CELF1: variants seen among roughly 807,000 people sequenced by gnomAD.
CELF1 encodes the protein CUGBP Elav-like family member 1.
A neutral mutation model predicts 61.8 loss-of-function variants in CELF1; 10 were observed. That is an observed-to-expected ratio of 0.16 (90% CI 0.10 to 0.27). CELF1 has a LOEUF of 0.27. CELF1 is among the 10% of genes least tolerant of loss of function. The pLI is 1.00. For synonymous variants in CELF1, 236 were observed against 225.1 expected (o/e 1.05, Z -0.43); for missense variants, 380 against 639.1 (o/e 0.59, Z 4.37).
intron 2 of CELF1, among the ~76,000 whole-genome samples, chr11:47,563,701 TA>T (rs142223495): frequency 0.04 from 6,038 of 151,358 alleles, 393 homozygotes; most frequent in African/African-American, 0.14. Flanking sequence ...AAACAAAATA[TA>T]AAAAAAAGAA....
chr11:47,531,489 A>G (rs929687016), intron 1 of CELF1, among the ~76,000 whole-genome samples: 1 of 152,094 alleles, frequency 6.6e-6, no homozygotes, highest in Non-Finnish European at 1.5e-5. Context: ...GAATTGCTTG[A>G]ATCTGGGAGG....
At chr11:47,499,231 T>C (rs2093595243) in intron 3 of CELF1, among the ~76,000 whole-genome samples, 1 of 152,206 alleles carries the variant, frequency 6.6e-6, no homozygotes, top group African/African-American at 2.4e-5. Flanking sequence ...GCTGGTCATA[T>C]ATCAAGTGCA....
In CELF1 at chr11:47,473,212, C is replaced by G. The variant is rs746323890; in HGVS notation, c.1293G>C (p.Leu431=). 1 of 1,614,078 alleles carries G rather than the reference C, an allele frequency of 6.2e-7. No individual in the cohort carries two copies. The highest frequency in any genetic ancestry group is 1.1e-5 in the South Asian group (1 of 91,068). The change falls in exon 14 of 15, where the codon CTG becomes CTC. Residue 431 remains leucine (L), a synonymous_variant. Coordinates refer to ENST00000687097, the MANE Select transcript of CELF1 (RefSeq NM_001376376.1). Reference sequence around the variant, plus strand: ...ACTCCTGGGGCAGGTGGTAGATGAACAGGTTGGCTCCCTCTGGACCTTCAA... The same window carrying G: ...ACTCCTGGGGCAGGTGGTAGATGAAGAGGTTGGCTCCCTCTGGACCTTCAA... ...SQKEGPEGAN[L]FIYHLPQEFG...
chr11:47,471,339 A>C lies in CELF1; in HGVS notation c.*891T>G, dbSNP rs963625184. On this transcript the variant is annotated 3_prime_UTR_variant, in exon 15 of 15. Transcript: ENST00000687097. ...GCTGTGGTGAACTGCAAAGAAGGAAACCAGGCAATGTATTCCATAGAGGCC... is the reference window on the plus strand; with the variant it reads ...GCTGTGGTGAACTGCAAAGAAGGAACCCAGGCAATGTATTCCATAGAGGCC... The C allele has an allele frequency of 6.6e-6, 1 of 152,184 alleles. No homozygotes were observed. The highest frequency in any genetic ancestry group is 1.5e-5 in the Non-Finnish European group (1 of 68,042). The allele number at this position is 152,184 out of a possible 1,614,324, so 9.4% of individuals were successfully genotyped here.
intron 1 of CELF1, among the ~76,000 whole-genome samples, chr11:47,542,990 T>G (rs2096847931): frequency 6.6e-6 from 1 of 151,960 alleles, no homozygotes; most frequent in African/African-American, 2.4e-5. Flanking sequence ...TGTAGCAGTG[T>G]GCACCTGTAG....
chr11:47,545,867 CTGCGTGTGTGTGTG>C (rs1295140551), intron 1 of CELF1, among the ~76,000 whole-genome samples: 97 of 121,652 alleles, frequency 8.0e-4, no homozygotes, highest in Admixed American at 1.4e-3. Context: ...GTGTGTGTGT[CTGCGTGTGTGTGTG>C]TGTGTGTGTG....
At chr11:47,495,366 TTGCTTAGGAA>T (rs1565818137) in intron 3 of CELF1, among the ~76,000 whole-genome samples, 3 of 152,152 alleles carry the variant, frequency 2.0e-5, no homozygotes, top group South Asian at 2.1e-4. Flanking sequence ...AGGTTGGTGG[TTGCTTAGGAA>T]TGGGGATGGG....
intron 1 of CELF1, among the ~76,000 whole-genome samples, chr11:47,547,218 T>C (rs182498337): frequency 3.3e-5 from 5 of 152,284 alleles, no homozygotes; most frequent in African/African-American, 1.2e-4. Context: ...CATATTTGTA[T>C]TTTCAAGAAG....
At chr11:47,541,391 T>C (rs557535648) in intron 1 of CELF1, among the ~76,000 whole-genome samples, 2 of 152,170 alleles carry the variant, frequency 1.3e-5, no homozygotes, top group South Asian at 2.1e-4. Flanking sequence ...AATGTTACTA[T>C]GAAAATGGAA....
intron 2 of CELF1, among the ~76,000 whole-genome samples, chr11:47,564,190 A>AAAAAAAAAAAAAAAAAAAC (rs2097236595): frequency 6.7e-6 from 1 of 149,934 alleles, no homozygotes. Flanking sequence ...AAAAAAAAAA[A>AAAAAAAAAAAAAAAAAAAC]AAAAGAAAGC....
chr11:47,473,982 C>G (rs1428232556), intron 13 of CELF1, among the ~76,000 whole-genome samples: 1 of 152,056 alleles, frequency 6.6e-6, no homozygotes, highest in East Asian at 1.9e-4. Flanking sequence ...ACTCAGGTCA[C>G]TGCAACCTCC....
intron 13 of CELF1, among the ~76,000 whole-genome samples, chr11:47,473,742 G>C (rs927950053): frequency 6.6e-6 from 1 of 152,098 alleles, no homozygotes; most frequent in Admixed American, 6.5e-5. Flanking sequence ...GACTAGGACT[G>C]TTTGTCAATA....
intron 3 of CELF1, among the ~76,000 whole-genome samples, chr11:47,494,980 G>T (rs917090727): frequency 6.6e-6 from 1 of 152,196 alleles, no homozygotes; most frequent in Non-Finnish European, 1.5e-5. Flanking sequence ...TCGAACTCCT[G>T]GCCTCAAGGG....
intron 1 of CELF1, among the ~76,000 whole-genome samples, chr11:47,541,491 G>T (rs1369004024): frequency 6.6e-6 from 1 of 151,882 alleles, no homozygotes; most frequent in Non-Finnish European, 1.5e-5. Context: ...AGGAGTTTGA[G>T]ACCAGCCTGG....
At chr11:47,561,442 CAAAAAA>C (rs35506289) in intron 2 of CELF1, among the ~76,000 whole-genome samples, 3 of 72,866 alleles carry the variant, frequency 4.1e-5, no homozygotes, top group Non-Finnish European at 7.0e-5. Flanking sequence ...GACTCCGTCT[CAAAAAA>C]AAAAAAAAAA....
rs917357680 is a variant in CELF1, at chr11:47,470,740, G to C, written c.*1490C>G. The C allele has an allele frequency of 6.6e-6, 1 of 152,156 alleles. No individual in the cohort carries two copies. The highest frequency in any genetic ancestry group is 1.5e-5 in the Non-Finnish European group (1 of 68,060). 9.4% of individuals were successfully genotyped at this position (152,156 alleles called of 1,614,324 possible). ...ACCCAGGGATCCCATCCCTGGCTGTGGCTACAGTCACATCTTAACAGGGCC... is the reference window on the plus strand; with the variant it reads ...ACCCAGGGATCCCATCCCTGGCTGTCGCTACAGTCACATCTTAACAGGGCC... On this transcript the variant is annotated 3_prime_UTR_variant, in exon 15 of 15. Coordinates refer to ENST00000687097, the MANE Select transcript of CELF1 (RefSeq NM_001376376.1).
intron 4 of CELF1, among the ~76,000 whole-genome samples, chr11:47,487,444 C>T (rs925176769): frequency 6.6e-6 from 1 of 152,168 alleles, no homozygotes; most frequent in African/African-American, 2.4e-5. Context: ...TTGTTTTAGT[C>T]TCCTCCTAGT....
Position 47,487,254 on chromosome 11 carries a change from A to G in CELF1, c.260-13T>C. 3 of 1,599,710 alleles carry G rather than the reference A, an allele frequency of 1.9e-6. No individual in the cohort carries two copies. The highest frequency in any genetic ancestry group is 2.6e-6 in the Non-Finnish European group (3 of 1,171,218). On this transcript the variant is annotated splice_polypyrimidine_tract_variant and intron_variant, in intron 4 of 14. Coordinates refer to ENST00000687097, the MANE Select transcript of CELF1 (RefSeq NM_001376376.1). ...ACAAAACAGCACCCTGCAATAAATA[A>G]GATTTCATAAAATCAAACTTTGGAA...
intron 2 of CELF1, among the ~76,000 whole-genome samples, chr11:47,563,173 G>C (rs1416253913): frequency 1.3e-5 from 2 of 151,672 alleles, no homozygotes; most frequent in Non-Finnish European, 2.9e-5. Context: ...TCATGATCAC[G>C]CTGCCACTGC....
Sources: allele counts gnomAD v4.1 joint callset (sites outside exome capture counted in the v4.1 genomes callset), GRCh38; gene constraint gnomAD v4.1.1; transcripts MANE v1.5; gene names NCBI Gene and HGNC (gene_info 2026-07-23, HGNC 2026-07-21).